Variants in MALT1 observed in about 807,000 individuals in gnomAD.
MALT1 encodes the protein mucosa-associated lymphoid tissue lymphoma translocation protein 1.
MALT1 carries 36 observed loss-of-function variants against 85.5 expected under a neutral mutation model. That is an observed-to-expected ratio of 0.42 (90% confidence interval 0.32 to 0.56). The LOEUF is 0.56. Among genes scored for constraint, MALT1 ranks in the 20% least tolerant of loss-of-function variants. MALT1 has a pLI of 0.10. For missense variants in MALT1, 716 were observed against 981.6 expected, an observed-to-expected ratio of 0.73 and a Z score of 3.62; for synonymous variants, 359 against 361.3, an observed-to-expected ratio of 0.99 and a Z score of 0.07.
chr18:58,675,071 A>G (rs1207730233), intron 1 of MALT1, among the ~76,000 whole-genome samples: 2 of 152,234 alleles, frequency 1.3e-5, no homozygotes, highest in Non-Finnish European at 2.9e-5. Flanking sequence ...GGAATGTGCT[A>G]TAGTCAGACC....
At chr18:58,710,838 A>G in intron 6 of MALT1, 83 bp from the exon 7 acceptor site, 1 of 832,244 alleles carries the variant, frequency 1.2e-6, no homozygotes, top group Non-Finnish European at 2.0e-6. Flanking sequence ...TATCTCTATG[A>G]TATTGATCTC....
At chr18:58,723,388 A>T (rs1156626357) in intron 10 of MALT1, 137 bp downstream of exon 10, 7 of 578,850 alleles carry the variant, frequency 1.2e-5, no homozygotes, top group East Asian at 5.9e-5. Flanking sequence ...TCTTATTAAG[A>T]TGATACATTT....
intron 1 of MALT1, chr18:58,677,576 C>G (rs537379996): frequency 5.7e-4 from 87 of 152,274 alleles, no homozygotes; most frequent in African/African-American, 2.0e-3. Flanking sequence ...CACTAACAGG[C>G]AGCTTCACCT....
intron 8 of MALT1, 72 bp downstream of exon 8, chr18:58,714,181 A>G: frequency 1.4e-6 from 1 of 719,268 alleles, no homozygotes; most frequent in Non-Finnish European, 2.3e-6. Context: ...TACCGTAGGT[A>G]CTCTTTTGCT....
chr18:58,707,022 C>T (rs2054761640), intron 4 of MALT1, among the ~76,000 whole-genome samples: 1 of 151,276 alleles, frequency 6.6e-6, no homozygotes, highest in South Asian at 2.1e-4. Flanking sequence ...CTTGTAAGCT[C>T]TTTTTTTTTC....
intron 16 of MALT1, 107 bp downstream of exon 16, chr18:58,745,898 A>G (rs2055359861): frequency 6.9e-6 from 7 of 1,009,642 alleles, no homozygotes; most frequent in Non-Finnish European, 1.0e-5. Flanking sequence ...AGTAGAGATA[A>G]CCAGTCTACA....
Position 58,750,766 on chromosome 18 carries a change from A to T in MALT1, c.*2924A>T, listed in dbSNP as rs145878866. The T allele has an allele frequency of 2.0e-5, 3 of 152,344 alleles. No homozygotes were observed. The East Asian group carries it at 5.8e-4, about 29-fold the overall frequency. The allele number at this position is 152,344 out of a possible 1,614,324, so 9.4% of individuals were successfully genotyped here. A position where few individuals can be genotyped will look rare whatever the true frequency, so the allele number is the denominator to read the frequency against. On this transcript the variant is annotated 3_prime_UTR_variant, in exon 17 of 17. Coordinates refer to ENST00000649217, the MANE Select transcript of MALT1 (RefSeq NM_006785.4). ...TCATAGACCTCAATATAAGAGTTTA[A>T]ACTCTTAGAAGAAAACAGAAGTAAA...
At chr18:58,745,260 CTGTT>C (rs2055350449) in intron 15 of MALT1, among the ~76,000 whole-genome samples, 1 of 152,290 alleles carries the variant, frequency 6.6e-6, no homozygotes, top group African/African-American at 2.4e-5. Context: ...AAGGAAAAGG[CTGTT>C]TATTTATCCT....
intron 2 of MALT1, chr18:58,690,763 C>A: frequency 4.9e-6 from 1 of 204,820 alleles, no homozygotes; most frequent in South Asian, 9.8e-5. Flanking sequence ...TCAAGCAGGC[C>A]CTCTGGCTTA....
chr18:58,692,602 C>T (rs995964453), intron 2 of MALT1, among the ~76,000 whole-genome samples: 37 of 152,102 alleles, frequency 2.4e-4, no homozygotes, highest in Admixed American at 6.6e-5. Flanking sequence ...CAGTGACACA[C>T]AACAATATTG....
At chr18:58,739,362 A>T (rs1464048758) in intron 13 of MALT1, among the ~76,000 whole-genome samples, 1 of 152,198 alleles carries the variant, frequency 6.6e-6, no homozygotes, top group African/African-American at 2.4e-5. Context: ...TCAGTGGCAT[A>T]CAGAGTATCA....
intron 2 of MALT1, among the ~76,000 whole-genome samples, chr18:58,688,354 G>A (rs928105197): frequency 1.3e-5 from 2 of 150,888 alleles, no homozygotes; most frequent in Admixed American, 6.6e-5. Flanking sequence ...GTTGGTGCAG[G>A]ACAGGCTTAT....
At chr18:58,707,266 C>CT (rs954659024) in intron 4 of MALT1, among the ~76,000 whole-genome samples, 58 of 151,718 alleles carry the variant, frequency 3.8e-4, no homozygotes, top group African/African-American at 1.3e-3. Context: ...GATTAACTGC[C>CT]TTTTTCTCCA....
Position 58,696,776 on chromosome 18 carries a change from A to C in MALT1, c.498+289A>C, listed in dbSNP as rs572165743. 3.3e-5 allele frequency among the ~76,000 whole-genome samples: 5 copies of C among 152,338 alleles called. No individual in the cohort carries two copies. In the South Asian group the frequency reaches 6.2e-4, roughly 19 times the overall value. On this transcript the variant is annotated intron_variant, in intron 3 of 16. Transcript: ENST00000649217. Reference sequence around the variant, plus strand: ...AGCGAGTATAAAACATCACCAGTACATTCTTGTGTATACAAACTCTTCACA... The same window carrying C: ...AGCGAGTATAAAACATCACCAGTACCTTCTTGTGTATACAAACTCTTCACA...
intron 10 of MALT1, among the ~76,000 whole-genome samples, chr18:58,725,274 A>G (rs1365903204): frequency 6.6e-6 from 1 of 152,174 alleles, no homozygotes; most frequent in East Asian, 1.9e-4. Context: ...GTGAACCAAG[A>G]TCACACCACT....
Position 58,709,517 on chromosome 18 carries a change from T to C in MALT1, c.789T>C (p.Asn263=), listed in dbSNP as rs2054802729. ...SPIPHYQWFK[N]ELPLTHETKK... is the part of the protein sequence containing the mutation. ...TTCCTCACTACCAGTGGTTCAAAAA[T>C]GAATTACCATTAACACATGAGACCA... Residue 263 remains asparagine, a synonymous_variant, in exon 5 of 17, where the codon AAT becomes AAC. Transcript: ENST00000649217. The C allele has an allele frequency of 5.6e-6, 9 of 1,612,374 alleles. No individual in the cohort carries two copies. Among genetic ancestry groups the C allele is most frequent in the Non-Finnish European group, 7.6e-6 (9 of 1,179,438 alleles).
In MALT1 at chr18:58,710,006, AC is replaced by A; in HGVS notation, c.861del (p.Tyr288ThrfsTer17). 1 of 1,611,760 alleles carries A rather than the reference AC, an allele frequency of 6.2e-7. No homozygotes were observed. The highest frequency in any genetic ancestry group is 8.5e-7 in the Non-Finnish European group (1 of 1,178,492). ...TTATGTGGATTTGGAACACCAAGGA[AC>A]CTACTGGTGTCATGTATATAATGAT... ...VPYVDLEHQG[T>X]YWCHVYNDRD... On this transcript the variant is annotated frameshift_variant, in exon 6 of 17. Transcript: ENST00000649217. LOFTEE classifies it high-confidence loss of function.
chr18:58,672,704 C>T (rs977824668), intron 1 of MALT1: 2 of 152,098 alleles, frequency 1.3e-5, no homozygotes, highest in Non-Finnish European at 2.9e-5. Context: ...TTTTCCAAAA[C>T]AAAAAAGTCT....
chr18:58,686,894 A>G (rs965301400), intron 2 of MALT1, among the ~76,000 whole-genome samples: 3 of 152,244 alleles, frequency 2.0e-5, no homozygotes, highest in Admixed American at 2.0e-4. Flanking sequence ...AAACATTTAC[A>G]TGGAAAATGA....
Sources: gnomAD v4.1 joint callset for allele counts (sites outside exome capture counted in the v4.1 genomes callset) on GRCh38, gnomAD v4.1.1 for gene constraint, MANE v1.5 for transcripts, NCBI Gene and HGNC (gene_info 2026-07-23, HGNC 2026-07-21) for gene names.